The following EPHB6 variants were observed in gnomAD, a reference collection of about 807,000 sequenced individuals.
The protein encoded by EPHB6 is ephrin type-B receptor 6.
Under a neutral mutation model 107.0 loss-of-function variants are expected in EPHB6, and 51 were observed. The observed-to-expected ratio is 0.48, with a 90% CI of 0.38 to 0.60. The LOEUF (loss-of-function observed/expected upper bound fraction) is 0.60. EPHB6 is among the 20% of genes least tolerant of loss of function. The pLI is 0.00. For synonymous variants in EPHB6, 553 were observed against 549.0 expected (o/e 1.01, Z -0.10); for missense variants, 1,141 against 1,355.5 (o/e 0.84, Z 2.48).
At chr7:142,859,544 A>G (rs1802753961) in intron 1 of EPHB6, among the ~76,000 whole-genome samples, 2 of 152,162 alleles carry the variant, frequency 1.3e-5, no homozygotes, top group Admixed American at 6.5e-5. Context: ...CTTTTTATAT[A>G]TTAAAATTAA....
At position 142,867,209 on chromosome 7, in the gene EPHB6, C is replaced by G. The variant is rs1431543786; in HGVS notation, c.1750+141C>G. ...GTGGGAAAGGAGAGTGCCTTTTGCTCAGCAGCTGACCTAGGGGCTACTCGG... is the reference window on the plus strand; with the variant it reads ...GTGGGAAAGGAGAGTGCCTTTTGCTGAGCAGCTGACCTAGGGGCTACTCGG... On this transcript the variant is annotated intron_variant, in intron 11 of 19. Transcript: ENST00000652003. The surrounding 1 kb of genome is among the most constrained non-coding windows in gnomAD (Gnocchi z 5.3). The G allele has an allele frequency of 5.6e-6, 6 of 1,071,608 alleles. No homozygotes were observed. Among genetic ancestry groups the G allele is most frequent in the Non-Finnish European group, 7.9e-6 (6 of 756,426 alleles). 66.4% of individuals were successfully genotyped at this position (1,071,608 alleles called of 1,614,324 possible).
chr7:142,863,844 A>C (rs1802974530), intron 6 of EPHB6, 122 bp from the exon 7 acceptor site: 1 of 1,509,754 alleles, frequency 6.6e-7, no homozygotes, highest in Non-Finnish European at 9.2e-7. Flanking sequence ...GGTATCCTCT[A>C]TCTGCTTTGC....
intron 2 of EPHB6, among the ~76,000 whole-genome samples, chr7:142,861,699 T>C (rs1302444766): frequency 1.3e-5 from 2 of 152,260 alleles, no homozygotes; most frequent in African/African-American, 4.8e-5. Context: ...GTCTTCCAAT[T>C]GATGGACAGT....
intron 6 of EPHB6, 60 bp from the exon 7 acceptor site, chr7:142,863,906 C>A: frequency 6.2e-6 from 10 of 1,610,528 alleles, no homozygotes; most frequent in Non-Finnish European, 8.5e-6. Context: ...TTCCCTATAA[C>A]CTCTACCTCG....
chr7:142,858,871 G>A (rs8177118), intron 1 of EPHB6, among the ~76,000 whole-genome samples: 5,554 of 152,014 alleles, frequency 0.037, 385 homozygotes, highest in African/African-American at 0.13. Flanking sequence ...GCAGGCTTGT[G>A]GATCTATTGT....
intron 17 of EPHB6, 50 bp from the exon 18 acceptor site, chr7:142,870,164 C>T (rs771673050): frequency 6.2e-7 from 1 of 1,610,970 alleles, no homozygotes; most frequent in Admixed American, 1.7e-5. Context: ...CAAAGTACTC[C>T]CCTCTACTAA....
Position 142,864,652 on chromosome 7 carries a change from G to A in EPHB6, c.852G>A (p.Arg284=), listed in dbSNP as rs1267974572. 1 of 1,612,842 alleles carries A rather than the reference G, an allele frequency of 6.2e-7. No individual in the cohort carries two copies. Among genetic ancestry groups the A allele is most frequent in the Non-Finnish European group, 8.5e-7 (1 of 1,179,880 alleles). The change falls in exon 7 of 20, where the codon AGG becomes AGA. Residue 284 remains arginine (R), a synonymous_variant. Coordinates refer to ENST00000652003, the MANE Select transcript of EPHB6 (RefSeq NM_004445.6). ...VGGQAGGSPP[R]LHCNGEGKWM... ...GCCAGGCAGGAGGCAGCCCCCCCAGGCTGCACTGCAACGGGGAGGGCAAGT... is the reference window on the plus strand; with the variant it reads ...GCCAGGCAGGAGGCAGCCCCCCCAGACTGCACTGCAACGGGGAGGGCAAGT...
At position 142,870,841 on chromosome 7, in the gene EPHB6, G is replaced by A. The variant is rs772081985; in HGVS notation, c.3006G>A (p.Lys1002=). The A allele has an allele frequency of 4.3e-6, 7 of 1,614,132 alleles. No individual in the cohort carries two copies. The highest frequency in any genetic ancestry group is 5.9e-6 in the Non-Finnish European group (7 of 1,179,994). Residue 1002 remains lysine (K), a synonymous_variant, in exon 20 of 20, where the codon AAG becomes AAA. Transcript: ENST00000652003. ...LGITLAGHQK[K]LLHHIQLLQQ... is the part of the protein sequence containing the mutation. ...TCACCCTGGCTGGCCACCAGAAGAAGCTGCTGCACCACATCCAGCTCCTTC... is the reference window on the plus strand; with the variant it reads ...TCACCCTGGCTGGCCACCAGAAGAAACTGCTGCACCACATCCAGCTCCTTC...
At position 142,870,373 on chromosome 7, in the gene EPHB6, G is replaced by A; in HGVS notation, c.2770G>A (p.Asp924Asn). 1 of 1,614,204 alleles carries A rather than the reference G, an allele frequency of 6.2e-7. No homozygotes were observed. Among genetic ancestry groups the A allele is most frequent in the Non-Finnish European group, 8.5e-7 (1 of 1,180,038 alleles). Residue 924 changes from aspartate (D) to asparagine (N), a missense_variant, in exon 18 of 20, where the codon GAT becomes AAT. Around this residue, in one of 3 missense-constraint regions of EPHB6, gnomAD observed 616 missense variants for 759.3 expected, o/e 0.81. Transcript: ENST00000652003. ...ATTTGACAAGATGATCCGCAAGCCA[G>A]ATACCCTGCAGGCTGGCGGGGACCC... ...AAFDKMIRKPDTLQAGGDPGE... is the reference protein window; with the variant it reads ...AAFDKMIRKPNTLQAGGDPGE...
Position 142,866,455 on chromosome 7 carries a change from A to G in EPHB6, c.1463-26A>G, listed in dbSNP as rs995223003. The G allele has an allele frequency of 1.9e-6, 3 of 1,613,700 alleles. No homozygotes were observed. The highest frequency in any genetic ancestry group is 2.7e-5 in the African/African-American group (2 of 74,940). The stretch of plus-strand genomic sequence containing the variant: ...CCTGCTCCCAGGGACTCCTATCCCC[A>G]TAATAATTTTCCTTTTGCACTCTAG... On this transcript the variant is annotated intron_variant, in intron 9 of 19. Transcript: ENST00000652003. The surrounding 1 kb of genome is among the most constrained non-coding windows in gnomAD (Gnocchi z 5.2).
Position 142,864,756 on chromosome 7 carries a change from G to A in EPHB6, c.949+7G>A, listed in dbSNP as rs188945253. The A allele has an allele frequency of 3.1e-6, 5 of 1,612,660 alleles. No homozygotes were observed. The highest frequency in any genetic ancestry group is 3.4e-6 in the Non-Finnish European group (4 of 1,180,032). On this transcript the variant is annotated splice_region_variant and intron_variant, in intron 7 of 19. Transcript: ENST00000652003. ...GGAGACAAGGCCTGCCAAGGTGAGAGCCCACTCGTCTTGCACTTGCCCGAC... is the reference window on the plus strand; with the variant it reads ...GGAGACAAGGCCTGCCAAGGTGAGAACCCACTCGTCTTGCACTTGCCCGAC...
chr7:142,870,491 A>G (rs1397569497), intron 18 of EPHB6, 39 bp from the exon 19 acceptor site: 1 of 1,614,044 alleles, frequency 6.2e-7, no homozygotes. Context: ...GGCTAAGATG[A>G]AGAGGAGACC....
At position 142,869,688 on chromosome 7, in the gene EPHB6, A is replaced by G; in HGVS notation, c.2461-129A>G. On this transcript the variant is annotated intron_variant, in intron 16 of 19. Coordinates refer to ENST00000652003, the MANE Select transcript of EPHB6 (RefSeq NM_004445.6). This position sits in a 1 kb window ranked among gnomAD's most constrained non-coding sequence, Gnocchi z 4.5. The stretch of plus-strand genomic sequence containing the variant: ...ATGGAGATGATATCATCCACCTTAG[A>G]GGGTTGTTATGAGGATTAAATGAGA... The G allele has an allele frequency of 9.2e-7, 1 of 1,085,216 alleles. No homozygotes were observed. Among genetic ancestry groups the G allele is most frequent in the Admixed American group, 2.0e-5 (1 of 50,258 alleles). 67.2% of individuals were successfully genotyped at this position (1,085,216 alleles called of 1,614,324 possible). A position where few individuals can be genotyped will look rare whatever the true frequency, so the allele number is the denominator to read the frequency against.
rs1274674930 is a variant in EPHB6, at chr7:142,870,520, C to T, written c.2805-10C>T. 6.2e-6 allele frequency: 10 copies of T among 1,614,062 alleles called. No homozygotes were observed. Among genetic ancestry groups the T allele is most frequent in the Non-Finnish European group, 6.8e-6 (8 of 1,180,054 alleles). Reference sequence around the variant, plus strand: ...GGAGACCTTGACCCTGCTTGCCCCTCCCCTCTTAGGCCTTCCCAGGCCCTT... The same window carrying T: ...GGAGACCTTGACCCTGCTTGCCCCTTCCCTCTTAGGCCTTCCCAGGCCCTT... On this transcript the variant is annotated splice_polypyrimidine_tract_variant and intron_variant, in intron 18 of 19. Coordinates refer to ENST00000652003, the MANE Select transcript of EPHB6 (RefSeq NM_004445.6).
In EPHB6 at chr7:142,869,875, C is replaced by T; in HGVS notation, c.2519C>T (p.Thr840Ile). Residue 840 changes from threonine to isoleucine, a missense_variant, in exon 17 of 20, where the codon ACA (threonine) becomes ATA (isoleucine). Coordinates refer to ENST00000652003, the MANE Select transcript of EPHB6 (RefSeq NM_004445.6). This position sits in a 1 kb window ranked among gnomAD's most constrained non-coding sequence, Gnocchi z 4.5. Reference sequence around the variant, plus strand: ...GAGGTCATTGCACATGGAAAGCATACAACATCCAGTGATGTCTGGAGCTTT... The same window carrying T: ...GAGGTCATTGCACATGGAAAGCATATAACATCCAGTGATGTCTGGAGCTTT... ...APEVIAHGKHTTSSDVWSFGI... is the reference protein window; with the variant it reads ...APEVIAHGKHITSSDVWSFGI... The T allele has an allele frequency of 6.2e-7, 1 of 1,614,200 alleles. No individual in the cohort carries two copies.
chr7:142,870,708 G>C, intron 19 of EPHB6, 23 bp downstream of exon 19: 2 of 1,614,212 alleles, frequency 1.2e-6, no homozygotes, highest in Non-Finnish European at 8.5e-7. Context: ...TGGTGGGGTG[G>C]GGGCGAATGC....
At chr7:142,859,650 T>G (rs139053154) in intron 1 of EPHB6, among the ~76,000 whole-genome samples, 38 of 152,338 alleles carry the variant, frequency 2.5e-4, no homozygotes, top group African/African-American at 7.5e-4. Context: ...AAAAATGTAT[T>G]TATAACCTTC....
chr7:142,867,334 G>A lies in EPHB6; in HGVS notation c.1750+266G>A. ...GTTGTGTGTCCCTGGGTGTGGATGT[G>A]GGAGGGCTGTGGGCGTGTGTGTGTG... On this transcript the variant is annotated intron_variant, in intron 11 of 19. Transcript: ENST00000652003. The surrounding 1 kb of genome is among the most constrained non-coding windows in gnomAD (Gnocchi z 5.3). 1.6e-6 allele frequency: 1 copy of A among 630,500 alleles called. No homozygotes were observed. The highest frequency in any genetic ancestry group is 2.8e-6 in the Non-Finnish European group (1 of 353,602). 39.1% of individuals were successfully genotyped at this position (630,500 alleles called of 1,614,324 possible).
In EPHB6 at chr7:142,863,989, C is replaced by T. The variant is rs56087487; in HGVS notation, c.189C>T (p.Asp63=). The T allele has an allele frequency of 0.011, 17,909 of 1,614,212 alleles. 156 individuals are homozygous for T. Among genetic ancestry groups the T allele is most frequent in the Non-Finnish European group, 0.012 (14,217 of 1,180,032 alleles). The change falls in exon 7 of 20, where the codon GAC becomes GAT. Residue 63 remains aspartate (D), a synonymous_variant. Transcript: ENST00000652003. ...PGGWDEVSVL[D]DQRRLTRTFE... ...AGTGGGACGAGGTGAGTGTTCTGGACGACCAGCGACGCCTGACTCGGACCT... is the reference window on the plus strand; with the variant it reads ...AGTGGGACGAGGTGAGTGTTCTGGATGACCAGCGACGCCTGACTCGGACCT...
Sources: allele counts gnomAD v4.1 joint callset (sites outside exome capture counted in the v4.1 genomes callset), GRCh38; gene constraint gnomAD v4.1.1; regional missense constraint gnomAD v4.1.1; non-coding constraint Gnocchi (gnomAD v3.1); transcripts MANE v1.5; gene names NCBI Gene and HGNC (gene_info 2026-07-23, HGNC 2026-07-21).